Variants in NOC2L observed in about 807,000 individuals in gnomAD.
NOC2L encodes the protein nucleolar complex protein 2 homolog.
NOC2L carries 101 observed loss-of-function variants against 94.2 expected under a neutral mutation model. The ratio of observed to expected loss-of-function variants is 1.07; its 90% CI spans 0.91 to 1.26. NOC2L has a LOEUF of 1.26. Ranked by LOEUF, NOC2L falls within the 50% of genes most tolerant of loss-of-function variation. The probability of loss-of-function intolerance (pLI) is 0.00; values close to 1 mark genes in which losing one functional copy is unlikely to be tolerated. For missense variants in NOC2L, 1,076 were observed against 980.1 expected (o/e 1.10, Z -1.31); for synonymous variants, 531 against 413.4 (o/e 1.28, Z -3.45).
chr1:957,807 G>T, intron 2 of NOC2L: 3 of 159,486 alleles, frequency 1.9e-5, no homozygotes, highest in Non-Finnish European at 4.2e-5. Context: ...GTAACTCCCT[G>T]TTTTACGAGG....
intron 11 of NOC2L, among the ~76,000 whole-genome samples, chr1:951,453 G>A (rs919644449): frequency 4.6e-5 from 7 of 152,128 alleles, no homozygotes; most frequent in Admixed American, 1.3e-4. Flanking sequence ...GGTGGCAGGG[G>A]TCATCTGTTC....
Position 959,011 on chromosome 1 carries a change from C to G in NOC2L, c.97G>C (p.Glu33Gln). The change falls in exon 2 of 19, where the codon GAA becomes CAA. Residue 33 changes from glutamate to glutamine, a missense_variant. Physicochemically the swap from Glu to Gln is conservative, Grantham distance 29. This residue lies in a region of NOC2L where 457 missense variants were observed against 386.0 expected (regional missense o/e 1.18). Transcript: ENST00000327044. Reference protein sequence around the residue: ...GFDSESESESENSPQAETREA... With the variant: ...GFDSESESESQNSPQAETREA... ...CGTGTCTCCGCTTGTGGAGAATTTT[C>G]GGACTCGGATTCGGACTCGGAGTCA... is the stretch of plus-strand genomic sequence containing the variant. 1 of 1,612,560 alleles carries G rather than the reference C, an allele frequency of 6.2e-7. No homozygotes were observed. Among genetic ancestry groups the G allele is most frequent in the Non-Finnish European group, 8.5e-7 (1 of 1,179,814 alleles).
chr1:958,491 C>G (rs1642479134), intron 2 of NOC2L: 1 of 359,240 alleles, frequency 2.8e-6, no homozygotes, highest in Non-Finnish European at 5.5e-6. Context: ...CTCAGGTAAT[C>G]TGCCCGCCTC....
chr1:946,351 C>CTATACCCT, intron 15 of NOC2L, 51 bp downstream of exon 15: 1 of 1,612,848 alleles, frequency 6.2e-7, no homozygotes, highest in Non-Finnish European at 8.5e-7. Flanking sequence ...GTAGCTGGGG[C>CTATACCCT]TATACCCTGG....
rs1642017022 is a variant in NOC2L at position 944,310 on chromosome 1, AAGACTTGGGGGAGTGAAG to A, written c.*366_*383del. ...TTCAAAGGAAAGGAACAAATTTTCA[AAGACTTGGGGGAGTGAAG>A]GCAGAGCCTGGTGCAGATGGACGAG... is the stretch of plus-strand genomic sequence containing the variant. On this transcript the variant is annotated 3_prime_UTR_variant, in exon 19 of 19. Coordinates refer to ENST00000327044, the MANE Select transcript of NOC2L (RefSeq NM_015658.4). 1 of 1,392,468 alleles carries A rather than the reference AAGACTTGGGGGAGTGAAG, an allele frequency of 7.2e-7. No individual in the cohort carries two copies. Among genetic ancestry groups the A allele is most frequent in the Admixed American group, 3.4e-5 (1 of 29,710 alleles). The allele number at this position is 1,392,468 out of a possible 1,614,324, so 86.3% of individuals were successfully genotyped here.
intron 9 of NOC2L, among the ~76,000 whole-genome samples, chr1:952,849 G>A (rs1642296571): frequency 1.3e-5 from 2 of 152,192 alleles, no homozygotes; most frequent in Admixed American, 6.5e-5. Context: ...GGCCACCCAT[G>A]GCTTGGGGAC....
At chr1:950,254 C>T (rs948989753) in intron 12 of NOC2L, among the ~76,000 whole-genome samples, 2 of 151,474 alleles carry the variant, frequency 1.3e-5, no homozygotes, top group Admixed American at 6.6e-5. Context: ...AATGCATGCA[C>T]ACAAGTGCAC....
intron 11 of NOC2L, 46 bp downstream of exon 11, chr1:951,954 G>A: frequency 6.4e-7 from 1 of 1,573,970 alleles, no homozygotes; most frequent in South Asian, 1.2e-5. Flanking sequence ...CAGCAAATTT[G>A]CTTCTCCTGA....
At chr1:952,280 A>G (rs1162752005) in intron 10 of NOC2L, 132 bp downstream of exon 10, 3 of 1,394,012 alleles carry the variant, frequency 2.2e-6, no homozygotes, top group Non-Finnish European at 2.0e-6. Context: ...ACCTGCAAGG[A>G]CCGACTGCAC....
At chr1:958,580 CCCTGCAACTCTCTCTTCAGCCCCT>C in intron 2 of NOC2L, 1 of 484,836 alleles carries the variant, frequency 2.1e-6, no homozygotes, top group Non-Finnish European at 4.0e-6. Flanking sequence ...AACTCGGCTC[CCCTGCAACTCTCTCTTCAGCCCCT>C]CTGTCCTTCC....
chr1:958,913 G>T lies in NOC2L; in HGVS notation c.179+16C>A. ...AGGACGAGCAAGAGGTTCTGCTCAC[G>T]CATGTCCCCACTAACCTGGCCGAGG... On this transcript the variant is annotated intron_variant, in intron 2 of 18. Coordinates refer to ENST00000327044, the MANE Select transcript of NOC2L (RefSeq NM_015658.4). The T allele has an allele frequency of 6.2e-7, 1 of 1,612,534 alleles. No homozygotes were observed. The highest frequency in any genetic ancestry group is 1.1e-5 in the South Asian group (1 of 91,078).
chr1:954,704 G>A (rs1194203768), intron 6 of NOC2L, among the ~76,000 whole-genome samples: 2 of 152,012 alleles, frequency 1.3e-5, no homozygotes. Context: ...GCCTGGTGGC[G>A]GAGTCCCAGT....
intron 12 of NOC2L, among the ~76,000 whole-genome samples, chr1:950,400 CAG>C (rs1184850655): frequency 1.3e-5 from 2 of 152,178 alleles, no homozygotes; most frequent in Non-Finnish European, 2.9e-5. Flanking sequence ...TGCATGCACA[CAG>C]GTGCACACAC....
intron 4 of NOC2L, among the ~76,000 whole-genome samples, chr1:956,512 A>G (rs923798190): frequency 6.6e-6 from 1 of 152,068 alleles, no homozygotes; most frequent in Non-Finnish European, 1.5e-5. Context: ...CCCTGGAAAA[A>G]AACACTGTGA....
In NOC2L at chr1:944,216, C is replaced by T. The variant is rs1015296379; in HGVS notation, c.*478G>A. 3.4e-6 allele frequency: 5 copies of T among 1,478,206 alleles called. No individual in the cohort carries two copies. Among genetic ancestry groups the T allele is most frequent in the South Asian group, 1.5e-5 (1 of 65,730 alleles). 91.6% of individuals were successfully genotyped at this position (1,478,206 alleles called of 1,614,324 possible). ...AGGAGCCACCACTCAACACAATGGC[C>T]CTGCCTCCCACCGCTTTATTTCTTT... On this transcript the variant is annotated 3_prime_UTR_variant, in exon 19 of 19. Coordinates refer to ENST00000327044, the MANE Select transcript of NOC2L (RefSeq NM_015658.4).
rs752627760 is a variant in NOC2L, at chr1:956,031, G to T, written c.608-18C>A. 6.2e-7 allele frequency: 1 copy of T among 1,614,078 alleles called. No homozygotes were observed. The highest frequency in any genetic ancestry group is 1.7e-5 in the Admixed American group (1 of 60,034). ...ATTGAATGCTGCAACGAAAAGGCCT[G>T]GATGTACTCACGGGACAGAGAACGC... On this transcript the variant is annotated intron_variant, in intron 5 of 18. Transcript: ENST00000327044.
At chr1:945,445 C>T in intron 17 of NOC2L, 73 bp downstream of exon 17, 1 of 1,567,094 alleles carries the variant, frequency 6.4e-7, no homozygotes, top group Admixed American at 1.7e-5. Context: ...TACAGGTGGC[C>T]CTCGTGGCTC....
chr1:945,893 G>A (rs990296385), intron 16 of NOC2L, among the ~76,000 whole-genome samples: 1 of 152,200 alleles, frequency 6.6e-6, no homozygotes, highest in Non-Finnish European at 1.5e-5. Flanking sequence ...GGGTGACGAG[G>A]TCAGTCCAGC....
chr1:957,111 T>A lies in NOC2L; in HGVS notation c.342A>T (p.Pro114=). 6.2e-7 allele frequency: 1 copy of A among 1,614,054 alleles called. No individual in the cohort carries two copies. The highest frequency in any genetic ancestry group is 8.5e-7 in the Non-Finnish European group (1 of 1,180,018). ...EEEEGPFHSL[P]DVLEEASEEE... is the part of the protein sequence containing the mutation. ...CCCACGCCCTCACCTCCAGCACATCTGGCAGGGAGTGGAACGGCCCCTCTT... is the reference window on the plus strand; with the variant it reads ...CCCACGCCCTCACCTCCAGCACATCAGGCAGGGAGTGGAACGGCCCCTCTT... Residue 114 remains proline (P), a synonymous_variant, in exon 3 of 19, where the codon CCA becomes CCT. Transcript: ENST00000327044.
Sources: allele counts gnomAD v4.1 joint callset (sites outside exome capture counted in the v4.1 genomes callset), GRCh38; gene constraint gnomAD v4.1.1; regional missense constraint gnomAD v4.1.1; transcripts MANE v1.5; gene names NCBI Gene and HGNC (gene_info 2026-07-23, HGNC 2026-07-21).